The following RNF213 variants were observed in gnomAD, a reference collection of about 807,000 sequenced individuals.
RNF213 encodes the protein ring finger protein 213, also known as E3 ubiquitin-protein ligase RNF213.
In RNF213, 341 loss-of-function variants were observed where a neutral mutation model predicts 514.4. The observed-to-expected ratio is 0.66, with a 90% CI of 0.61 to 0.73. RNF213 has a LOEUF of 0.73. Ranked by LOEUF, RNF213 falls within the 30% of genes least tolerant of loss-of-function variation. The pLI, the probability that RNF213 is intolerant of heterozygous loss-of-function variation, is 0.00. For synonymous variants in RNF213, 2,655 were observed against 2,658.2 expected (o/e 1.00, Z 0.04); for missense variants, 5,767 against 6,615.6 (o/e 0.87, Z 4.45).
intron 17 of RNF213, among the ~76,000 whole-genome samples, chr17:80,322,566 ACT>A: frequency 6.6e-6 from 1 of 151,004 alleles, no homozygotes; most frequent in Non-Finnish European, 1.5e-5. Context: ...ACAGAGCGAG[ACT>A]CTGTCTCAAA....
chr17:80,348,572 G>A (rs986783553), intron 29 of RNF213, among the ~76,000 whole-genome samples: 1 of 152,236 alleles, frequency 6.6e-6, no homozygotes, highest in African/African-American at 2.4e-5. Flanking sequence ...CACTAGGGAC[G>A]CACAGATGAA....
chr17:80,294,696 T>C, intron 8 of RNF213, 24 bp from the exon 9 acceptor site: 2 of 1,613,312 alleles, frequency 1.2e-6, no homozygotes, highest in Non-Finnish European at 8.5e-7. Context: ...TTAGGTAGGC[T>C]CTTGTTCCTT....
In RNF213 at chr17:80,298,336, G is replaced by A. The variant is rs1364508952; in HGVS notation, c.2028G>A (p.Leu676=). The A allele has an allele frequency of 1.2e-6, 2 of 1,614,024 alleles. No homozygotes were observed. Among genetic ancestry groups the A allele is most frequent in the Non-Finnish European group, 1.7e-6 (2 of 1,180,044 alleles). ...TCCCTTCCAGCTGGCGGCTGTACCT[G>A]GTGAACCTGTGCCAAAGATGCATGG... The part of the protein sequence containing the change: ...LGIPQSWRLY[L]VNLCQRCMDT... Residue 676 remains leucine (L), a synonymous_variant, in exon 11 of 68, where the codon CTG becomes CTA. Transcript: ENST00000582970.
chr17:80,339,510 G>A lies in RNF213; in HGVS notation c.5143G>A (p.Glu1715Lys). ...AGAGCAGCTGGTTTACCTGAGCACT[G>A]AGCTCAGGAAGCAGCCCCCGAGTGA... ...TAEQLVYLST[E>K]LRKQPPSDAA... Residue 1715 changes from glutamate (E) to lysine (K), a missense_variant, in exon 26 of 68, where the codon GAG becomes AAG. By Grantham distance (56) the Glu-to-Lys change is moderately conservative (BLOSUM62 1). This residue lies in a region of RNF213 where 1,377 missense variants were observed against 1,635.2 expected (regional missense o/e 0.84). Transcript: ENST00000582970. The A allele has an allele frequency of 6.5e-7, 1 of 1,537,228 alleles. No individual in the cohort carries two copies. Among genetic ancestry groups the A allele is most frequent in the Non-Finnish European group, 8.7e-7 (1 of 1,146,904 alleles).
At chr17:80,325,807 A>G (rs1300285366) in intron 18 of RNF213, among the ~76,000 whole-genome samples, 1 of 152,110 alleles carries the variant, frequency 6.6e-6, no homozygotes, top group Non-Finnish European at 1.5e-5. Context: ...AAGGCGCTGG[A>G]TGTGGAACAG....
At chr17:80,363,558 G>A (rs1422994060) in intron 40 of RNF213, 51 bp from the exon 41 acceptor site, 2 of 1,600,808 alleles carry the variant, frequency 1.2e-6, no homozygotes, top group Non-Finnish European at 1.7e-6. Context: ...GCCTCTGGTG[G>A]GCCGGTGGGA....
intron 15 of RNF213, among the ~76,000 whole-genome samples, chr17:80,315,093 A>C (rs745541663): frequency 0.026 from 76 of 2,914 alleles, no homozygotes; most frequent in Non-Finnish European, 0.033. Context: ...GGTGGAGGTA[A>C]TGGAGGTGAT....
chr17:80,316,340 G>A (rs2045948033), intron 15 of RNF213: 1 of 152,094 alleles, frequency 6.6e-6, no homozygotes, highest in Non-Finnish European at 1.5e-5. Flanking sequence ...CAAATCATGG[G>A]GAAATTATGA....
At chr17:80,278,690 T>A in intron 3 of RNF213, 1 of 1,507,154 alleles carries the variant, frequency 6.6e-7, no homozygotes, top group Non-Finnish European at 8.9e-7. Flanking sequence ...TGAGGTGGGG[T>A]CTTTGCGAGT....
In RNF213 at chr17:80,385,187, G is replaced by C; in HGVS notation, c.14455+16G>C. 1 of 1,614,090 alleles carries C rather than the reference G, an allele frequency of 6.2e-7. No individual in the cohort carries two copies. The highest frequency in any genetic ancestry group is 8.5e-7 in the Non-Finnish European group (1 of 1,179,974). On this transcript the variant is annotated intron_variant, in intron 60 of 67. Transcript: ENST00000582970. ...CACAGCTCAGGTGTGGCTCTGCTCTGACAGGACCAGGACTGTCCCGCATTT... is the reference window on the plus strand; with the variant it reads ...CACAGCTCAGGTGTGGCTCTGCTCTCACAGGACCAGGACTGTCCCGCATTT...
rs748786909 is a variant in RNF213 at position 80,376,478 on chromosome 17, CTG to C, written c.13368_13369del (p.Cys4456TrpfsTer4). ...GGCCATTCATGCTGCAGCCGTCCTT[CTG>C]TGTGGACAGAATGAACTCTTGGAGC... The part of the protein sequence containing the change: ...EMAIHAAAVL[L>X]CGQNELLEPL... On this transcript the variant is annotated frameshift_variant, in exon 52 of 68. Transcript: ENST00000582970. LOFTEE classifies it high-confidence loss of function. The C allele has an allele frequency of 4.3e-6, 7 of 1,614,188 alleles. No homozygotes were observed. The highest frequency in any genetic ancestry group is 5.1e-6 in the Non-Finnish European group (6 of 1,180,036).
intron 11 of RNF213, among the ~76,000 whole-genome samples, chr17:80,303,017 G>A (rs2045232806): frequency 6.6e-6 from 1 of 152,106 alleles, no homozygotes; most frequent in Admixed American, 6.6e-5. Context: ...TCTTATTAAT[G>A]TGCTAGAATG....
chr17:80,314,184 GTGGTGA>G, intron 15 of RNF213, among the ~76,000 whole-genome samples: 1 of 126,550 alleles, frequency 7.9e-6, no homozygotes, highest in African/African-American at 3.3e-5. Flanking sequence ...GGTGATGGTG[GTGGTGA>G]AGGTGATGGT....
chr17:80,326,447 G>A (rs933991165), intron 18 of RNF213, among the ~76,000 whole-genome samples: 2 of 152,208 alleles, frequency 1.3e-5, no homozygotes, highest in Non-Finnish European at 2.9e-5. Context: ...TTACAGCTGA[G>A]AAGCCAATAT....
chr17:80,264,091 G>C lies in RNF213; in HGVS notation c.97+313G>C, dbSNP rs2043525769. On this transcript the variant is annotated intron_variant, in intron 2 of 67. Coordinates refer to ENST00000582970, the MANE Select transcript of RNF213 (RefSeq NM_001256071.3). The surrounding 1 kb of genome is among the most constrained non-coding windows in gnomAD (Gnocchi z 5.0). ...GGAGAGGGCAGGGCCAGGGCAGGGAGAGGACAAAACAAGAAGTTTTGTCGG... is the reference window on the plus strand; with the variant it reads ...GGAGAGGGCAGGGCCAGGGCAGGGACAGGACAAAACAAGAAGTTTTGTCGG... Among the ~76,000 whole-genome samples, 1 of 152,240 alleles carries C rather than the reference G, an allele frequency of 6.6e-6. No homozygotes were observed. The highest frequency in any genetic ancestry group is 2.1e-4 in the South Asian group (1 of 4,834).
chr17:80,333,790 T>G, intron 21 of RNF213: 1 of 327,806 alleles, frequency 3.1e-6, no homozygotes, highest in Non-Finnish European at 5.8e-6. Context: ...GGGCCTTTAT[T>G]GACAAAGCAG....
intron 11 of RNF213, chr17:80,298,893 C>T (rs2143461429): frequency 6.9e-6 from 2 of 289,754 alleles, no homozygotes; most frequent in Non-Finnish European, 1.3e-5. Context: ...GTAGGAGAAT[C>T]ACTAGAACCC....
Position 80,328,352 on chromosome 17 carries a change from A to G in RNF213, c.3392A>G (p.Asp1131Gly). 1.3e-6 allele frequency: 2 copies of G among 1,536,980 alleles called. No individual in the cohort carries two copies. Among genetic ancestry groups the G allele is most frequent in the Non-Finnish European group, 1.7e-6 (2 of 1,146,768 alleles). The change falls in exon 20 of 68, where the codon GAT becomes GGT. Residue 1131 changes from aspartate (D) to glycine (G), a missense_variant. Transcript: ENST00000582970. ...QLREKSLSPQDEQCAVEEALD... is the reference protein window; with the variant it reads ...QLREKSLSPQGEQCAVEEALD... Reference sequence around the variant, plus strand: ...GGGGAAAAAAGTCTTTCACCCCAGGATGAACAATGTGCTGTGGAGGAAGCA... The same window carrying G: ...GGGGAAAAAAGTCTTTCACCCCAGGGTGAACAATGTGCTGTGGAGGAAGCA...
At chr17:80,325,371 T>C (rs767321343) in intron 18 of RNF213, among the ~76,000 whole-genome samples, 173 bp downstream of exon 18, 5 of 152,066 alleles carry the variant, frequency 3.3e-5, no homozygotes, top group Non-Finnish European at 7.4e-5. Context: ...GTGTCTTGCG[T>C]TGTAAATAAT....
Sources: gnomAD v4.1 joint callset for allele counts (sites outside exome capture counted in the v4.1 genomes callset) on GRCh38, gnomAD v4.1.1 for gene constraint, gnomAD v4.1.1 regional missense constraint, Gnocchi (gnomAD v3.1) non-coding constraint, MANE v1.5 for transcripts, NCBI Gene and HGNC (gene_info 2026-07-23, HGNC 2026-07-21) for gene names.